CDH3: variants seen among roughly 807,000 people sequenced by gnomAD.
CDH3 encodes cadherin 3, also known as cadherin-3.
Under a neutral mutation model 82.0 loss-of-function variants are expected in CDH3, and 54 were observed. That is an observed-to-expected ratio of 0.66 (90% CI 0.53 to 0.83). The LOEUF is 0.83. CDH3 is among the 40% of genes least tolerant of loss of function. CDH3 has a pLI of 0.00. For missense variants in CDH3, 1,054 were observed against 1,084.6 expected (o/e 0.97, Z 0.40); for synonymous variants, 446 against 437.9 (o/e 1.02, Z -0.23).
downstream of CDH3, among the ~76,000 whole-genome samples, chr16:68,727,851 A>G (rs898545605): frequency 6.6e-6 from 1 of 152,012 alleles, no homozygotes; most frequent in Admixed American, 6.6e-5. Context: ...AGAGGTTGCA[A>G]TGAGCCGAGA....
downstream of CDH3, among the ~76,000 whole-genome samples, chr16:68,703,559 C>T (rs1471255208): frequency 6.6e-6 from 1 of 152,192 alleles, no homozygotes; most frequent in Admixed American, 6.6e-5. Flanking sequence ...TTAAAACAAT[C>T]CCCCCAGCAG....
chr16:68,728,411 C>T (rs1361577003), downstream of CDH3, among the ~76,000 whole-genome samples: 5 of 152,050 alleles, frequency 3.3e-5, no homozygotes, highest in Non-Finnish European at 5.9e-5. Context: ...GTCATCTGCC[C>T]GCCTCGGCCT....
chr16:68,650,240 T>A (rs570867697), intron 2 of CDH3, among the ~76,000 whole-genome samples: 1 of 152,086 alleles, frequency 6.6e-6, no homozygotes, highest in Non-Finnish European at 1.5e-5. Flanking sequence ...TCCCCTCTCC[T>A]AGGGGACTCA....
At chr16:68,696,626 CAG>C (rs1199856636) in intron 15 of CDH3, 1 of 159,634 alleles carries the variant, frequency 6.3e-6, no homozygotes, top group Non-Finnish European at 1.4e-5. Context: ...ATGAAGTACT[CAG>C]ACAATTCTAG....
At chr16:68,651,881 T>G in intron 2 of CDH3, 1 of 463,690 alleles carries the variant, frequency 2.2e-6, no homozygotes, top group Admixed American at 2.6e-5. Flanking sequence ...GGGGGTCATA[T>G]CTGGACAGGA....
chr16:68,647,342 C>T (rs1960103131), intron 2 of CDH3, among the ~76,000 whole-genome samples: 1 of 148,770 alleles, frequency 6.7e-6, no homozygotes, highest in Non-Finnish European at 1.5e-5. Context: ...CTTATCTTTC[C>T]TACTGAAGCA....
chr16:68,730,524 TCAAAAA>T (rs1475552181), downstream of CDH3, among the ~76,000 whole-genome samples: 2 of 152,116 alleles, frequency 1.3e-5, no homozygotes, highest in Non-Finnish European at 2.9e-5. Flanking sequence ...AAACTCTGTC[TCAAAAA>T]CAAAAACAAA....
At chr16:68,701,145 C>A (rs754055998), downstream of CDH3, among the ~76,000 whole-genome samples, 1 of 152,132 alleles carries the variant, frequency 6.6e-6, no homozygotes, top group African/African-American at 2.4e-5. Context: ...TGGCCTTCCT[C>A]CCCTGAGATA....
chr16:68,687,789 T>G, intron 12 of CDH3, 53 bp downstream of exon 12: 1 of 1,285,258 alleles, frequency 7.8e-7, no homozygotes, highest in Non-Finnish European at 1.1e-6. Flanking sequence ...CTGGTGGGCA[T>G]CTGCCCCACA....
At chr16:68,727,737 C>T (rs1407791605), downstream of CDH3, among the ~76,000 whole-genome samples, 1 of 152,032 alleles carries the variant, frequency 6.6e-6, no homozygotes, top group Admixed American at 6.6e-5. Flanking sequence ...GGTGAAACCC[C>T]ATCTGTACTA....
intron 12 of CDH3, among the ~76,000 whole-genome samples, chr16:68,689,397 G>A (rs544152282): frequency 9.2e-5 from 14 of 152,062 alleles, no homozygotes; most frequent in African/African-American, 1.9e-4. Context: ...TTAGCCAGGC[G>A]TGGTAGCACA....
At chr16:68,703,925 C>G (rs1215456501), downstream of CDH3, among the ~76,000 whole-genome samples, 1 of 151,738 alleles carries the variant, frequency 6.6e-6, no homozygotes, top group East Asian at 1.9e-4. Context: ...CCAGCCTAGG[C>G]AACAGAGCGA....
At chr16:68,705,927 T>C in intron 1 of CDH3, among the ~76,000 whole-genome samples, 1 of 150,636 alleles carries the variant, frequency 6.6e-6, no homozygotes, top group Non-Finnish European at 1.5e-5. Context: ...TAGCGCGGCG[T>C]GGTGGCACGT....
intron 1 of CDH3, among the ~76,000 whole-genome samples, chr16:68,710,113 G>A (rs1176107768): frequency 6.6e-6 from 1 of 152,238 alleles, no homozygotes; most frequent in Non-Finnish European, 1.5e-5. Flanking sequence ...AGGAGATGGG[G>A]CGGGAAGGAG....
chr16:68,684,193 C>T (rs1199796794), intron 9 of CDH3, among the ~76,000 whole-genome samples: 3 of 152,124 alleles, frequency 2.0e-5, no homozygotes, highest in African/African-American at 7.2e-5. Context: ...AATGAAGCCA[C>T]TGCACTTGAG....
chr16:68,698,628 A>G lies in CDH3; in HGVS notation c.*228A>G. 1 of 575,626 alleles carries G rather than the reference A, an allele frequency of 1.7e-6. No individual in the cohort carries two copies. Among genetic ancestry groups the G allele is most frequent in the Non-Finnish European group, 3.1e-6 (1 of 323,180 alleles). 35.7% of individuals were successfully genotyped at this position (575,626 alleles called of 1,614,324 possible). ...CACTGAAAACCTCTCCACCTGGGCC[A>G]GGGTTGCCTCAGAGGCCAAGTTTCC... On this transcript the variant is annotated 3_prime_UTR_variant, in exon 16 of 16. Transcript: ENST00000264012.
chr16:68,652,028 G>A (rs1224597266), intron 2 of CDH3: 1 of 207,298 alleles, frequency 4.8e-6, no homozygotes, highest in African/African-American at 2.3e-5. Context: ...AATTTTCTGT[G>A]CTTATGGGCT....
At position 68,679,510 on chromosome 16, in the gene CDH3, T is replaced by C. The variant is rs560294602; in HGVS notation, c.692-289T>C. 2.6e-5 allele frequency among the ~76,000 whole-genome samples: 4 copies of C among 152,008 alleles called. No homozygotes were observed. The South Asian group carries it at 6.3e-4, about 24-fold the overall frequency. On this transcript the variant is annotated intron_variant, in intron 6 of 15. Coordinates refer to ENST00000264012, the MANE Select transcript of CDH3 (RefSeq NM_001793.6). ...GAGTTTAAGACCAGCTGGGCCAACA[T>C]GGTGAAATCCTATCTCTACTAAAAA...
chr16:68,670,618 C>T (rs549220746), intron 2 of CDH3, among the ~76,000 whole-genome samples: 1 of 152,180 alleles, frequency 6.6e-6, no homozygotes, highest in East Asian at 1.9e-4. Flanking sequence ...GGAGTTTCAA[C>T]TTGTACGTTA....
Sources: allele counts gnomAD v4.1 joint callset (sites outside exome capture counted in the v4.1 genomes callset), GRCh38; gene constraint gnomAD v4.1.1; transcripts MANE v1.5; gene names NCBI Gene and HGNC (gene_info 2026-07-23, HGNC 2026-07-21).